The following GABRB1 variants were observed in gnomAD, a reference collection of about 807,000 sequenced individuals.
The protein encoded by GABRB1 is gamma-aminobutyric acid receptor subunit beta-1.
Under a neutral mutation model 51.6 loss-of-function variants are expected in GABRB1, and 17 were observed. The observed-to-expected ratio is 0.33, with a 90% CI of 0.23 to 0.49. The LOEUF (loss-of-function observed/expected upper bound fraction) is 0.49, where lower values mean the gene tolerates loss of function less well. GABRB1 is among the 20% of genes least tolerant of loss of function. GABRB1 has a pLI of 0.99. For missense variants in GABRB1, 410 were observed against 600.6 expected, an observed-to-expected ratio of 0.68 and a Z score of 3.32; for synonymous variants, 247 against 218.9, an observed-to-expected ratio of 1.13 and a Z score of -1.14.
Position 47,046,751 on chromosome 4 carries a change from A to G in GABRB1, c.240+14267A>G, listed in dbSNP as rs566231664. On this transcript the variant is annotated intron_variant, in intron 3 of 8. Coordinates refer to ENST00000295454, the MANE Select transcript of GABRB1 (RefSeq NM_000812.4). ...ATGGAATCAACCTAAATGCCCATCA[A>G]TGATTGATAGACTGGATAAAGAAAA... Among the ~76,000 whole-genome samples the G allele has an allele frequency of 4.3e-4, 65 of 152,252 alleles. 1 individual carries two copies. The highest frequency in any genetic ancestry group is 7.9e-4 in the Non-Finnish European group (54 of 67,994).
chr4:47,135,607 T>C (rs1282626577), intron 3 of GABRB1, among the ~76,000 whole-genome samples: 1 of 152,114 alleles, frequency 6.6e-6, no homozygotes, highest in African/African-American at 2.4e-5. Context: ...CTTCTATCCA[T>C]CATCACTCCC....
rs539942377 is a variant in GABRB1 at position 46,994,481 on chromosome 4, T to A, written c.-20+555T>A. 4.7e-4 allele frequency: 70 copies of A among 147,752 alleles called. 1 individual carries two copies. The highest frequency in any genetic ancestry group is 1.5e-3 in the African/African-American group (59 of 39,444). The allele number at this position is 147,752 out of a possible 1,614,324, so 9.2% of individuals were successfully genotyped here. Reference sequence around the variant, plus strand: ...GAGAAAATGTGTGTGTGTGTGTGTGTGTGAGAGAGAGAGAGAGAGAGACAG... The same window carrying A: ...GAGAAAATGTGTGTGTGTGTGTGTGAGTGAGAGAGAGAGAGAGAGAGACAG... On this transcript the variant is annotated intron_variant, in intron 1 of 3. Coordinates refer to the GABRB1 transcript ENST00000513567.
chr4:47,380,284 C>T (rs992553297), intron 5 of GABRB1, among the ~76,000 whole-genome samples: 6 of 152,106 alleles, frequency 3.9e-5, no homozygotes, highest in Admixed American at 6.5e-5. Flanking sequence ...AGATAATCTT[C>T]GACAGGGAAG....
At chr4:47,173,605 A>G (rs1011376624) in intron 4 of GABRB1, among the ~76,000 whole-genome samples, 1 of 152,196 alleles carries the variant, frequency 6.6e-6, no homozygotes, top group Non-Finnish European at 1.5e-5. Context: ...AAAAATCACA[A>G]AACTCAAAAT....
chr4:47,323,238 A>G (rs1725145959), intron 5 of GABRB1, among the ~76,000 whole-genome samples: 1 of 152,200 alleles, frequency 6.6e-6, no homozygotes, highest in Non-Finnish European at 1.5e-5. Flanking sequence ...GTTACCCTTA[A>G]AAAGAGAAGC....
At chr4:47,311,660 C>A (rs931456340) in intron 4 of GABRB1, among the ~76,000 whole-genome samples, 18 of 152,132 alleles carry the variant, frequency 1.2e-4, no homozygotes, top group Admixed American at 4.6e-4. Flanking sequence ...GACTTCTGAT[C>A]TACAGAACTG....
chr4:47,028,878 T>C (rs1725190023), upstream of GABRB1, among the ~76,000 whole-genome samples: 1 of 148,114 alleles, frequency 6.8e-6, no homozygotes, highest in Non-Finnish European at 1.5e-5. Flanking sequence ...ATACCATATA[T>C]ATATATATGG....
In GABRB1 at chr4:47,323,831, G is replaced by T. The variant is rs192302631; in HGVS notation, c.544+3622G>T. On this transcript the variant is annotated intron_variant, in intron 5 of 8. Coordinates refer to ENST00000295454, the MANE Select transcript of GABRB1 (RefSeq NM_000812.4). ...AAGTAAAATTGAAAAAGCCATAAAG[G>T]CTTGTTAAATTGAAAGTTTGCTTGA... Among the ~76,000 whole-genome samples the T allele has an allele frequency of 5.3e-4, 80 of 152,290 alleles. 1 individual carries two copies. Among genetic ancestry groups the T allele is most frequent in the African/African-American group, 1.7e-3 (71 of 41,554 alleles).
At chr4:47,141,788 A>G (rs4463042) in intron 3 of GABRB1, among the ~76,000 whole-genome samples, 29,237 of 151,832 alleles carry the variant, frequency 0.19, 3,031 homozygotes, top group East Asian at 0.33. Context: ...CCAAGTAAAT[A>G]TAAGTATCTA....
chr4:47,250,225 G>C (rs1721933511), intron 4 of GABRB1, among the ~76,000 whole-genome samples: 2 of 152,070 alleles, frequency 1.3e-5, no homozygotes, highest in South Asian at 4.1e-4. Flanking sequence ...AGTTTTGCTG[G>C]ATACAAAATT....
At chr4:47,298,752 TG>T (rs1169944358) in intron 4 of GABRB1, among the ~76,000 whole-genome samples, 1 of 152,106 alleles carries the variant, frequency 6.6e-6, no homozygotes, top group Non-Finnish European at 1.5e-5. Context: ...AAAGTTCATA[TG>T]GAAACAAAAA....
chr4:47,016,568 T>C (rs1724749248), intron 1 of GABRB1, among the ~76,000 whole-genome samples: 2 of 152,042 alleles, frequency 1.3e-5, no homozygotes, highest in South Asian at 4.2e-4. Context: ...AGATTATTTA[T>C]TTATTTATTT....
At chr4:47,334,128 C>G (rs564390860) in intron 5 of GABRB1, among the ~76,000 whole-genome samples, 1 of 152,300 alleles carries the variant, frequency 6.6e-6, no homozygotes, top group East Asian at 1.9e-4. Context: ...TGAGCCTGAG[C>G]TGGGGCCTGA....
intron 5 of GABRB1, among the ~76,000 whole-genome samples, chr4:47,333,572 G>T (rs918558903): frequency 6.6e-6 from 1 of 151,976 alleles, no homozygotes; most frequent in Non-Finnish European, 1.5e-5. Context: ...AAAATTAGCT[G>T]GGCATGGTGG....
chr4:47,122,115 A>G (rs1360581335), intron 3 of GABRB1, among the ~76,000 whole-genome samples: 1 of 152,166 alleles, frequency 6.6e-6, no homozygotes, highest in African/African-American at 2.4e-5. Context: ...TCAGTACTTA[A>G]TATGTGATCA....
At chr4:47,230,705 T>G (rs1023762301) in intron 4 of GABRB1, among the ~76,000 whole-genome samples, 1 of 152,194 alleles carries the variant, frequency 6.6e-6, no homozygotes, top group Non-Finnish European at 1.5e-5. Context: ...TTCAACTGAT[T>G]GGGAGTACTA....
Position 47,017,459 on chromosome 4 carries a change from T to G in GABRB1, c.-19-14455T>G, listed in dbSNP as rs571300180. ...AACTTAAAGGAAACACTGGGAAATA[T>G]GAGATAGACTTCTTTGAGAATTGTA... On this transcript the variant is annotated intron_variant, in intron 1 of 3. Coordinates refer to the GABRB1 transcript ENST00000513567. Among the ~76,000 whole-genome samples, 10 of 152,308 alleles carry G rather than the reference T, an allele frequency of 6.6e-5. 1 individual carries two copies. Among genetic ancestry groups the G allele is most frequent in the Admixed American group, 2.0e-4 (3 of 15,298 alleles).
intron 4 of GABRB1, among the ~76,000 whole-genome samples, chr4:47,312,136 A>G (rs564556631): frequency 1.3e-4 from 20 of 152,072 alleles, no homozygotes; most frequent in African/African-American, 4.8e-4. Flanking sequence ...AAAATGTATT[A>G]TGATTGCACC....
chr4:47,218,687 C>G (rs1343780840), intron 4 of GABRB1, among the ~76,000 whole-genome samples: 1 of 151,732 alleles, frequency 6.6e-6, no homozygotes, highest in Admixed American at 6.6e-5. Context: ...GCTTCCAGTG[C>G]TTTGAAAGGA....
Sources: allele counts gnomAD v4.1 joint callset (sites outside exome capture counted in the v4.1 genomes callset), GRCh38; gene constraint gnomAD v4.1.1; transcripts MANE v1.5; gene names NCBI Gene and HGNC (gene_info 2026-07-23, HGNC 2026-07-21).